POR: variants seen among roughly 807,000 people sequenced by gnomAD.
POR encodes NADPH--cytochrome P450 reductase.
Under a neutral mutation model 84.0 loss-of-function variants are expected in POR, and 56 were observed. The ratio of observed to expected loss-of-function variants is 0.67; its 90% CI spans 0.54 to 0.83. The LOEUF is 0.83. POR is among the 40% of genes least tolerant of loss of function. POR has a pLI of 0.00. For missense variants in POR, 938 were observed against 944.3 expected, an observed-to-expected ratio of 0.99 and a Z score of 0.09; for synonymous variants, 414 against 400.5, an observed-to-expected ratio of 1.03 and a Z score of -0.40.
chr7:75,921,203 C>T (rs1806840657), intron 1 of POR: 1 of 152,068 alleles, frequency 6.6e-6, no homozygotes, highest in Non-Finnish European at 1.5e-5. Context: ...AGACTCCTGT[C>T]CCTTTTCCCT....
chr7:75,949,171 T>A (rs2116384587), intron 1 of POR, among the ~76,000 whole-genome samples: 1 of 152,108 alleles, frequency 6.6e-6, no homozygotes, highest in South Asian at 2.1e-4. Flanking sequence ...GTTGTTGTTT[T>A]TGAGACGGAG....
At chr7:75,930,997 A>G (rs890607378) in intron 1 of POR, among the ~76,000 whole-genome samples, 3 of 151,158 alleles carry the variant, frequency 2.0e-5, no homozygotes, top group Admixed American at 2.0e-4. Context: ...TAATTTTTTA[A>G]TTTTCTGTAG....
intron 1 of POR, chr7:75,922,786 T>G: frequency 2.2e-6 from 1 of 461,318 alleles, no homozygotes; most frequent in South Asian, 2.4e-5. Context: ...AAAATCCCTT[T>G]GGCTCCAGAA....
At chr7:75,923,888 CAA>C (rs563267608) in intron 1 of POR, among the ~76,000 whole-genome samples, 24 of 101,056 alleles carry the variant, frequency 2.4e-4, no homozygotes, top group Admixed American at 2.3e-4. Context: ...AACTCCATCT[CAA>C]AAAAAAAAAA....
rs370088736 is a variant in POR at position 75,935,861 on chromosome 7, A to ATGGGGAGT, written c.-4-18121_-4-18120insTTGGGGAG. Reference sequence around the variant, plus strand: ...AGCCTCGTGTGACACATCTCCCATGATGGGGAGCCACTCCCCCAATAGCGC... The same window carrying ATGGGGAGT: ...AGCCTCGTGTGACACATCTCCCATGATGGGGAGTTGGGGAGCCACTCCCCCAATAGCGC... On this transcript the variant is annotated intron_variant, in intron 1 of 15. Coordinates refer to ENST00000461988, the MANE Select transcript of POR (RefSeq NM_000941.3). 3.8e-3 allele frequency among the ~76,000 whole-genome samples: 576 copies of ATGGGGAGT among 151,794 alleles called. 4 individuals are homozygous for ATGGGGAGT. Among genetic ancestry groups the ATGGGGAGT allele is most frequent in the African/African-American group, 0.011 (465 of 41,402 alleles).
chr7:75,959,001 T>G (rs1554554152), intron 2 of POR, among the ~76,000 whole-genome samples: 1 of 152,232 alleles, frequency 6.6e-6, no homozygotes, highest in East Asian at 1.9e-4. Context: ...ATTCTTCCCT[T>G]TGAGGATCAT....
intron 1 of POR, among the ~76,000 whole-genome samples, chr7:75,930,011 C>G (rs1377770013): frequency 3.3e-5 from 5 of 152,142 alleles, no homozygotes; most frequent in African/African-American, 1.2e-4. Context: ...CTTTAAATCT[C>G]CCTCTGTAAG....
chr7:75,944,126 C>T (rs978705050), intron 1 of POR, among the ~76,000 whole-genome samples: 2 of 152,130 alleles, frequency 1.3e-5, no homozygotes, highest in Admixed American at 1.3e-4. Flanking sequence ...CTTCCCTCTC[C>T]AAGCTAGGGT....
intron 10 of POR, among the ~76,000 whole-genome samples, 156 bp downstream of exon 10, chr7:75,984,012 G>A (rs1333668610): frequency 3.9e-5 from 6 of 152,136 alleles, no homozygotes; most frequent in African/African-American, 1.4e-4. Context: ...CCAAGCAAAC[G>A]GGAGGCGGGG....
intron 2 of POR, chr7:75,968,312 G>T (rs1554555644): frequency 2.1e-6 from 1 of 467,464 alleles, no homozygotes; most frequent in Admixed American, 2.3e-5. Flanking sequence ...CCCTGTCTCT[G>T]GCGAGGGACT....
chr7:75,926,971 C>G (rs958368074), intron 1 of POR, among the ~76,000 whole-genome samples: 22 of 152,174 alleles, frequency 1.4e-4, no homozygotes, highest in Non-Finnish European at 2.1e-4. Context: ...AGGATGTCAG[C>G]TGCAAAATGA....
chr7:75,923,511 C>T lies in POR; in HGVS notation c.-5+8332C>T, dbSNP rs79373927. Reference sequence around the variant, plus strand: ...TGGAAGCTTGTGTTATTTTTGGGGGCGGGGTGGAATTTTTATCAAGTATCT... The same window carrying T: ...TGGAAGCTTGTGTTATTTTTGGGGGTGGGGTGGAATTTTTATCAAGTATCT... On this transcript the variant is annotated intron_variant, in intron 1 of 15. Coordinates refer to ENST00000461988, the MANE Select transcript of POR (RefSeq NM_000941.3). The T allele has an allele frequency of 2.2e-3, 1,047 of 466,436 alleles. 9 individuals carry two copies. Among genetic ancestry groups the T allele is most frequent in the African/African-American group, 0.013 (636 of 50,546 alleles). The allele number at this position is 466,436 out of a possible 1,614,324, so 28.9% of individuals were successfully genotyped here.
At chr7:75,976,516 G>A (rs189337054) in intron 3 of POR, among the ~76,000 whole-genome samples, 83 of 151,716 alleles carry the variant, frequency 5.5e-4, no homozygotes, top group Admixed American at 2.6e-3. Flanking sequence ...AGGCTGAGAC[G>A]GGCGGATCAC....
intron 3 of POR, among the ~76,000 whole-genome samples, chr7:75,974,276 G>A (rs6964407): frequency 0.93 from 141,380 of 152,168 alleles, 65,869 homozygotes; most frequent in Middle Eastern, 0.97. Flanking sequence ...GTTTGCAATC[G>A]TGATAGAAGC....
At chr7:75,916,147 T>C (rs1806556930) in intron 1 of POR, among the ~76,000 whole-genome samples, 1 of 152,122 alleles carries the variant, frequency 6.6e-6, no homozygotes, top group Admixed American at 6.6e-5. Context: ...CGTTTTCTGA[T>C]CAGTGGGTCT....
intron 2 of POR, among the ~76,000 whole-genome samples, chr7:75,954,882 A>G (rs1234065207): frequency 2.6e-5 from 4 of 151,762 alleles, no homozygotes; most frequent in African/African-American, 9.7e-5. Context: ...TATTTTTTGT[A>G]TTTTTAGTAG....
At position 75,948,352 on chromosome 7, in the gene POR, C is replaced by T. The variant is rs967409430; in HGVS notation, c.-4-5637C>T. 9.2e-5 allele frequency among the ~76,000 whole-genome samples: 14 copies of T among 152,268 alleles called. No homozygotes were observed. In the East Asian group the frequency reaches 1.4e-3, roughly 15 times the overall value. On this transcript the variant is annotated intron_variant, in intron 1 of 15. Coordinates refer to ENST00000461988, the MANE Select transcript of POR (RefSeq NM_000941.3). ...CGCTGGGAGTGCCCAGTGTGCTGGT[C>T]GGGGCTGGGGGGCACTCAGGGCCAA...
At chr7:75,923,911 A>C (rs1200919587) in intron 1 of POR, among the ~76,000 whole-genome samples, 2 of 152,012 alleles carry the variant, frequency 1.3e-5, no homozygotes, top group East Asian at 1.9e-4. Context: ...AAAGAAAAGA[A>C]AAGACAGTAG....
Position 75,983,732 on chromosome 7 carries a change from C to A in POR, c.948-6C>A, listed in dbSNP as rs782612942. ...CGCCCCTCCCGAGCCTCACATCTCC[C>A]TCCAGGTATGAATCTGGGGACCACG... is the stretch of plus-strand genomic sequence containing the variant. On this transcript the variant is annotated splice_region_variant and splice_polypyrimidine_tract_variant and intron_variant, in intron 9 of 15. Coordinates refer to ENST00000461988, the MANE Select transcript of POR (RefSeq NM_000941.3). 13 of 1,611,950 alleles carry A rather than the reference C, an allele frequency of 8.1e-6. No homozygotes were observed. In the East Asian group the frequency reaches 2.9e-4, roughly 36 times the overall value.
Sources: allele counts gnomAD v4.1 joint callset (sites outside exome capture counted in the v4.1 genomes callset), GRCh38; gene constraint gnomAD v4.1.1; transcripts MANE v1.5; gene names NCBI Gene and HGNC (gene_info 2026-07-23, HGNC 2026-07-21).